ATP2C2: variants seen among roughly 807,000 people sequenced by gnomAD.
The protein encoded by ATP2C2 is calcium-transporting ATPase type 2C member 2.
In ATP2C2, 171 loss-of-function variants were observed where a neutral mutation model predicts 110.8. The ratio of observed to expected loss-of-function variants is 1.54; its 90% CI spans 1.36 to 1.75. ATP2C2 has a LOEUF of 1.75. Ranked by LOEUF, ATP2C2 falls within the 40% of genes most tolerant of loss-of-function variation. The probability of loss-of-function intolerance (pLI) is 0.00; values close to 1 mark genes in which losing one functional copy is unlikely to be tolerated. For missense variants in ATP2C2, 1,963 were observed against 1,235.0 expected (o/e 1.59, Z -8.84); for synonymous variants, 804 against 508.4 (o/e 1.58, Z -7.82).
intron 14 of ATP2C2, among the ~76,000 whole-genome samples, chr16:84,441,359 C>G (rs1909238099): frequency 6.6e-6 from 1 of 152,158 alleles, no homozygotes; most frequent in Non-Finnish European, 1.5e-5. Flanking sequence ...GAGACTCCTG[C>G]CCAGAGACGT....
chr16:84,454,724 CAG>C (rs1910626473), intron 20 of ATP2C2, 92 bp from the exon 21 acceptor site: 4 of 1,337,112 alleles, frequency 3.0e-6, no homozygotes, highest in East Asian at 2.6e-5. Context: ...GCCCTCCAGA[CAG>C]AGGTGTCTGT....
chr16:84,452,733 A>G (rs1293152600), intron 18 of ATP2C2, among the ~76,000 whole-genome samples: 1 of 152,040 alleles, frequency 6.6e-6, no homozygotes, highest in Non-Finnish European at 1.5e-5. Context: ...TCCTGAACTC[A>G]GGGAATCTGC....
intron 11 of ATP2C2, among the ~76,000 whole-genome samples, chr16:84,438,489 C>G (rs1908942387): frequency 6.6e-6 from 1 of 152,228 alleles, no homozygotes; most frequent in African/African-American, 2.4e-5. Flanking sequence ...GCTGCAGCCC[C>G]AGTCTCATTT....
At chr16:84,370,226 A>C (rs1909872764) in intron 1 of ATP2C2, among the ~76,000 whole-genome samples, 1 of 152,140 alleles carries the variant, frequency 6.6e-6, no homozygotes, top group African/African-American at 2.4e-5. Context: ...GCTTTGCAGG[A>C]GAGTTCTCAG....
intron 1 of ATP2C2, among the ~76,000 whole-genome samples, chr16:84,377,240 T>C (rs75248376): frequency 0.099 from 15,025 of 152,186 alleles, 856 homozygotes; most frequent in Middle Eastern, 0.17. Context: ...AGTCATGTGC[T>C]AAGTCTTAGC....
At chr16:84,387,975 G>C (rs1192153946) in intron 1 of ATP2C2, among the ~76,000 whole-genome samples, 2 of 151,322 alleles carry the variant, frequency 1.3e-5, no homozygotes, top group Non-Finnish European at 2.9e-5. Context: ...AGCCCTGATG[G>C]CCTCACTCAT....
Position 84,459,171 on chromosome 16 carries a change from C to T in ATP2C2, c.2199C>T (p.Val733=), listed in dbSNP as rs750942130. 3.7e-6 allele frequency: 6 copies of T among 1,614,196 alleles called. No individual in the cohort carries two copies. The highest frequency in any genetic ancestry group is 4.2e-6 in the Non-Finnish European group (5 of 1,180,042). Residue 733 remains valine, a synonymous_variant, in exon 22 of 27, where the codon GTC becomes GTT. Coordinates refer to ENST00000262429, the MANE Select transcript of ATP2C2 (RefSeq NM_014861.4). ...KGIFYNIKNF[V]RFQLSTSISA... ...TTTTTTACAACATCAAAAACTTTGTCCGATTCCAGCTGAGCACGTAAGTAG... is the reference window on the plus strand; with the variant it reads ...TTTTTTACAACATCAAAAACTTTGTTCGATTCCAGCTGAGCACGTAAGTAG...
In ATP2C2 at chr16:84,422,542, A is replaced by G. The variant is rs199657072; in HGVS notation, c.774+3A>G. ...TGGTGCAGTATGGGAGGGGCCAGGTAAGCCCTGGGACACCGAGGCCTTGGG... is the reference window on the plus strand; with the variant it reads ...TGGTGCAGTATGGGAGGGGCCAGGTGAGCCCTGGGACACCGAGGCCTTGGG... On this transcript the variant is annotated splice_donor_region_variant and intron_variant, in intron 8 of 26. Transcript: ENST00000262429. The G allele has an allele frequency of 8.7e-6, 14 of 1,613,612 alleles. No individual in the cohort carries two copies. Among genetic ancestry groups the G allele is most frequent in the Non-Finnish European group, 1.1e-5 (13 of 1,179,778 alleles).
intron 2 of ATP2C2, 99 bp from the exon 3 acceptor site, chr16:84,405,029 A>T: frequency 5.0e-6 from 5 of 1,005,344 alleles, no homozygotes; most frequent in Non-Finnish European, 6.4e-6. Flanking sequence ...TCCCTGGCCC[A>T]TCATGGAAGC....
At chr16:84,418,259 G>C (rs949134416) in intron 7 of ATP2C2, among the ~76,000 whole-genome samples, 4 of 152,140 alleles carry the variant, frequency 2.6e-5, no homozygotes, top group Non-Finnish European at 5.9e-5. Context: ...CTTCAGGCTC[G>C]GCCTGCCGCC....
intron 18 of ATP2C2, 99 bp downstream of exon 18, chr16:84,452,190 A>G: frequency 1.4e-6 from 2 of 1,448,880 alleles, no homozygotes; most frequent in African/African-American, 1.4e-5. Flanking sequence ...CTCGGTCAGG[A>G]GTGCTCACGC....
At chr16:84,381,017 G>A (rs992697765) in intron 1 of ATP2C2, among the ~76,000 whole-genome samples, 11 of 152,186 alleles carry the variant, frequency 7.2e-5, no homozygotes, top group East Asian at 1.9e-4. Flanking sequence ...ATGCGCGTCC[G>A]TGTGAAGAGA....
At chr16:84,411,905 A>G (rs1906332653) in intron 6 of ATP2C2, among the ~76,000 whole-genome samples, 1 of 151,890 alleles carries the variant, frequency 6.6e-6, no homozygotes, top group Non-Finnish European at 1.5e-5. Context: ...GAGGGAAAAC[A>G]GCTTTTTCCT....
At chr16:84,387,956 G>C (rs969591996) in intron 1 of ATP2C2, among the ~76,000 whole-genome samples, 2 of 151,602 alleles carry the variant, frequency 1.3e-5, no homozygotes, top group African/African-American at 4.9e-5. Flanking sequence ...AGCACCTGGG[G>C]GCTTGTGGAG....
chr16:84,459,782 C>T (rs1911091448), intron 23 of ATP2C2: 2 of 558,366 alleles, frequency 3.6e-6, no homozygotes, highest in South Asian at 4.0e-5. Context: ...ACACACTTTT[C>T]CTTATGGATC....
intron 2 of ATP2C2, among the ~76,000 whole-genome samples, chr16:84,399,368 A>C (rs746806709): frequency 2.0e-5 from 3 of 152,242 alleles, no homozygotes; most frequent in Non-Finnish European, 4.4e-5. Flanking sequence ...CCCTAGCTAG[A>C]AAATGAGCTA....
chr16:84,441,922 CGAATGAAT>C (rs376465083), intron 14 of ATP2C2, among the ~76,000 whole-genome samples: 1 of 149,926 alleles, frequency 6.7e-6, no homozygotes, highest in African/African-American at 2.5e-5. Flanking sequence ...GACTCCATCT[CGAATGAAT>C]GAATGAATGA....
Position 84,451,796 on chromosome 16 carries a change from C to G in ATP2C2, c.1661-125C>G, listed in dbSNP as rs1164322931. The G allele has an allele frequency of 6.3e-6, 6 of 958,022 alleles. No homozygotes were observed. In the East Asian group the frequency reaches 1.2e-4, roughly 19 times the overall value. 59.3% of individuals were successfully genotyped at this position (958,022 alleles called of 1,614,324 possible). On this transcript the variant is annotated intron_variant, in intron 17 of 26. Transcript: ENST00000262429. Reference sequence around the variant, plus strand: ...GAGGCTGCAGTGAGCCAACATTACACCACTGCACTCCAACCTGGGCGATAA... The same window carrying G: ...GAGGCTGCAGTGAGCCAACATTACAGCACTGCACTCCAACCTGGGCGATAA...
chr16:84,410,683 A>T, intron 5 of ATP2C2, 21 bp from the exon 6 acceptor site: 1 of 1,614,074 alleles, frequency 6.2e-7, no homozygotes. Flanking sequence ...TAAACAGCAC[A>T]TCTGATGTGC....
Sources: gnomAD v4.1 joint callset for allele counts (sites outside exome capture counted in the v4.1 genomes callset) on GRCh38, gnomAD v4.1.1 for gene constraint, MANE v1.5 for transcripts, NCBI Gene and HGNC (gene_info 2026-07-23, HGNC 2026-07-21) for gene names.